MAF: variants seen among roughly 807,000 people sequenced by gnomAD.
MAF encodes the protein MAF bZIP transcription factor.
MAF carries 10 observed loss-of-function variants against 22.0 expected under a neutral mutation model. The ratio of observed to expected loss-of-function variants is 0.45; its 90% CI spans 0.28 to 0.77. The LOEUF (loss-of-function observed/expected upper bound fraction) is 0.77. Ranked by LOEUF, MAF falls within the 30% of genes least tolerant of loss-of-function variation. The pLI is 0.12. For synonymous variants in MAF, 337 were observed against 255.8 expected, an observed-to-expected ratio of 1.32 and a Z score of -3.03; for missense variants, 544 against 548.4, an observed-to-expected ratio of 0.99 and a Z score of 0.08.
chr16:79,394,871 G>A, the MAF span, among the ~76,000 whole-genome samples: 2 of 152,148 alleles, frequency 1.3e-5, no homozygotes, highest in Admixed American at 1.3e-4. Flanking sequence ...CACATTATAA[G>A]TGTACCAGAA....
At chr16:79,543,843 C>T in the MAF span, among the ~76,000 whole-genome samples, 17,223 of 152,024 alleles carry the variant, frequency 0.11, 1,084 homozygotes, top group South Asian at 0.16. Flanking sequence ...CCTACCACCG[C>T]GCCCGGCTAA....
chr16:79,509,483 G>A, the MAF span, among the ~76,000 whole-genome samples: 7 of 152,216 alleles, frequency 4.6e-5, no homozygotes, highest in East Asian at 1.9e-4. Context: ...TGTTGGCAGC[G>A]GGGCCCTTGC....
chr16:79,450,457 G>A, the MAF span, among the ~76,000 whole-genome samples: 287 of 152,314 alleles, frequency 1.9e-3, 12 homozygotes, highest in South Asian at 0.058. Flanking sequence ...TCCTTCGGGT[G>A]TGAGCTTTTA....
chr16:79,363,294 T>C, the MAF span, among the ~76,000 whole-genome samples: 1 of 152,300 alleles, frequency 6.6e-6, no homozygotes, highest in South Asian at 2.1e-4. Context: ...AATGGGGTTA[T>C]GTCCTGATAA....
At chr16:79,465,742 C>G in the MAF span, among the ~76,000 whole-genome samples, 1 of 152,180 alleles carries the variant, frequency 6.6e-6, no homozygotes, top group Non-Finnish European at 1.5e-5. Context: ...TACTTAATCT[C>G]TCTGACCTTC....
At chr16:79,525,238 C>G in the MAF span, among the ~76,000 whole-genome samples, 4 of 152,076 alleles carry the variant, frequency 2.6e-5, no homozygotes, top group Admixed American at 1.3e-4. Context: ...AAATAAATAG[C>G]TATGCACAGC....
chr16:79,423,566 T>C, the MAF span, among the ~76,000 whole-genome samples: 35 of 152,356 alleles, frequency 2.3e-4, no homozygotes, highest in South Asian at 6.8e-3. Context: ...TTTATTGGAA[T>C]ACAGTCACAC....
At chr16:79,436,592 C>A in the MAF span, among the ~76,000 whole-genome samples, 1 of 152,166 alleles carries the variant, frequency 6.6e-6, no homozygotes, top group Non-Finnish European at 1.5e-5. Flanking sequence ...ATTTTGTTCA[C>A]CAGACTTGAC....
chr16:79,299,845 A>C, the MAF span, among the ~76,000 whole-genome samples: 24 of 152,322 alleles, frequency 1.6e-4, no homozygotes, highest in African/African-American at 5.1e-4. Context: ...ATTATTTAAA[A>C]GGCTTTATCC....
the MAF span, among the ~76,000 whole-genome samples, chr16:79,557,854 T>C: frequency 6.6e-6 from 1 of 151,710 alleles, no homozygotes; most frequent in South Asian, 2.1e-4. Context: ...GAAGGAGACA[T>C]GTGGGTGCTA....
the MAF span, among the ~76,000 whole-genome samples, chr16:79,281,268 A>G: frequency 1.3e-5 from 2 of 151,560 alleles, no homozygotes; most frequent in East Asian, 3.9e-4. Flanking sequence ...AAAGGGTATT[A>G]GGTAAATGCT....
chr16:79,213,830 G>A, the MAF span, among the ~76,000 whole-genome samples: 6 of 152,186 alleles, frequency 3.9e-5, no homozygotes, highest in Non-Finnish European at 7.3e-5. Flanking sequence ...TAAGTTTCAG[G>A]ATTACATGTT....
chr16:79,435,736 G>T, the MAF span, among the ~76,000 whole-genome samples: 10 of 152,144 alleles, frequency 6.6e-5, no homozygotes, highest in African/African-American at 2.2e-4. Context: ...GTCTCCCCCA[G>T]TTCACGCCGA....
chr16:79,408,441 G>C, the MAF span, among the ~76,000 whole-genome samples: 2 of 152,124 alleles, frequency 1.3e-5, no homozygotes, highest in Non-Finnish European at 2.9e-5. Context: ...CTCCCAAAGC[G>C]CTGGGATTAC....
At chr16:79,425,770 G>A in the MAF span, among the ~76,000 whole-genome samples, 4 of 151,112 alleles carry the variant, frequency 2.6e-5, no homozygotes, top group Non-Finnish European at 4.4e-5. Flanking sequence ...CCAATCCTGT[G>A]GGCTGCAGGT....
chr16:79,554,737 G>A, the MAF span, among the ~76,000 whole-genome samples: 2 of 152,148 alleles, frequency 1.3e-5, no homozygotes, highest in Admixed American at 1.3e-4. Flanking sequence ...CTTCGGGGAA[G>A]CTCCCACAAA....
chr16:79,521,610 C>A, the MAF span, among the ~76,000 whole-genome samples: 1 of 152,036 alleles, frequency 6.6e-6, no homozygotes, highest in South Asian at 2.1e-4. Flanking sequence ...AGAAAAAATT[C>A]TCTCACCCTC....
At chr16:79,265,474 C>T in the MAF span, among the ~76,000 whole-genome samples, 3 of 151,514 alleles carry the variant, frequency 2.0e-5, no homozygotes, top group Non-Finnish European at 4.4e-5. Flanking sequence ...TCTCCCTTAT[C>T]CAAGTACGAT....
At chr16:79,473,963 G>T in the MAF span, among the ~76,000 whole-genome samples, 1 of 152,138 alleles carries the variant, frequency 6.6e-6, no homozygotes. Context: ...TGGTCGAGTG[G>T]GGAGGAATTA....
Sources: gnomAD v4.1 joint callset for allele counts (sites outside exome capture counted in the v4.1 genomes callset) on GRCh38, gnomAD v4.1.1 for gene constraint, MANE v1.5 for transcripts, NCBI Gene and HGNC (gene_info 2026-07-23, HGNC 2026-07-21) for gene names.